Variants in CENPP observed in about 807,000 individuals in gnomAD.
CENPP encodes centromere protein P.
In CENPP, 24 loss-of-function variants were observed where a neutral mutation model predicts 35.6. The ratio of observed to expected loss-of-function variants is 0.67; its 90% CI spans 0.49 to 0.95. The LOEUF is 0.95. Among genes scored for constraint, CENPP ranks in the 40% least tolerant of loss-of-function variants. CENPP has a pLI of 0.00. For synonymous variants in CENPP, 120 were observed against 125.5 expected (o/e 0.96, Z 0.29); for missense variants, 332 against 345.3 (o/e 0.96, Z 0.31).
At chr9:92,435,766 G>A (rs1271211667) in intron 5 of CENPP, among the ~76,000 whole-genome samples, 1 of 152,206 alleles carries the variant, frequency 6.6e-6, no homozygotes, top group Non-Finnish European at 1.5e-5. Flanking sequence ...ATTACTGAGT[G>A]ATATTCCATG....
chr9:92,461,265 G>C (rs1223640066), intron 5 of CENPP, among the ~76,000 whole-genome samples: 1 of 151,444 alleles, frequency 6.6e-6, no homozygotes, highest in African/African-American at 2.4e-5. Context: ...TTTGTTTTTT[G>C]TTTTTTAACA....
At chr9:92,537,318 A>T (rs997413608) in intron 5 of CENPP, among the ~76,000 whole-genome samples, 1 of 152,242 alleles carries the variant, frequency 6.6e-6, no homozygotes, top group Non-Finnish European at 1.5e-5. Context: ...GACTAAATAC[A>T]TAAGCCACTC....
At chr9:92,527,585 C>A (rs1375219904) in intron 5 of CENPP, among the ~76,000 whole-genome samples, 1 of 152,200 alleles carries the variant, frequency 6.6e-6, no homozygotes, top group East Asian at 1.9e-4. Flanking sequence ...GTCTGCTTCA[C>A]AACCTAAGAC....
intron 5 of CENPP, among the ~76,000 whole-genome samples, chr9:92,571,905 CTCTT>C: frequency 7.7e-6 from 1 of 129,066 alleles, no homozygotes; most frequent in African/African-American, 3.5e-5. Context: ...ATTGCAACTC[CTCTT>C]TTTTTTTTTT....
intron 5 of CENPP, among the ~76,000 whole-genome samples, chr9:92,433,669 G>A (rs142342336): frequency 3.9e-4 from 59 of 152,084 alleles, no homozygotes; most frequent in African/African-American, 1.4e-3. Flanking sequence ...GATAGCTCAC[G>A]GCCTATAATC....
chr9:92,393,241 A>T, intron 5 of CENPP: 1 of 1,561,580 alleles, frequency 6.4e-7, no homozygotes, highest in Non-Finnish European at 8.7e-7. Flanking sequence ...ACACGTGGGC[A>T]TTTCTAAATT....
intron 3 of CENPP, among the ~76,000 whole-genome samples, chr9:92,338,716 G>A (rs1383347819): frequency 6.6e-6 from 1 of 151,730 alleles, no homozygotes; most frequent in Non-Finnish European, 1.5e-5. Context: ...CACCTATTTT[G>A]TGTGGGTCAG....
chr9:92,384,129 AAGT>A (rs1185077241), intron 5 of CENPP: 2 of 152,196 alleles, frequency 1.3e-5, no homozygotes, highest in South Asian at 2.1e-4. Flanking sequence ...AATAACGAGA[AAGT>A]AGTATAATAG....
intron 5 of CENPP, among the ~76,000 whole-genome samples, chr9:92,466,122 C>G (rs1467044837): frequency 1.3e-5 from 2 of 152,176 alleles, no homozygotes; most frequent in East Asian, 1.9e-4. Flanking sequence ...CGTGAGCCAC[C>G]AGGCCTGGCC....
intron 5 of CENPP, among the ~76,000 whole-genome samples, chr9:92,538,649 T>G (rs1849245630): frequency 6.6e-6 from 1 of 152,144 alleles, no homozygotes; most frequent in Non-Finnish European, 1.5e-5. Context: ...GTTACATGAG[T>G]CCTTTTGCAG....
chr9:92,591,452 G>GA (rs146366597), intron 5 of CENPP, among the ~76,000 whole-genome samples: 15,872 of 149,842 alleles, frequency 0.11, 892 homozygotes, highest in Middle Eastern at 0.15. Flanking sequence ...GACCTGCAGG[G>GA]AAAAAAAAAT....
intron 5 of CENPP, among the ~76,000 whole-genome samples, chr9:92,382,628 G>T (rs1210450167): frequency 6.6e-6 from 1 of 151,930 alleles, no homozygotes; most frequent in Non-Finnish European, 1.5e-5. Context: ...TTTTCTCTAA[G>T]AATTTTATAA....
chr9:92,497,615 ACT>A (rs1329454935), intron 5 of CENPP, among the ~76,000 whole-genome samples: 2 of 150,328 alleles, frequency 1.3e-5, no homozygotes, highest in African/African-American at 2.5e-5. Flanking sequence ...CAAGAGCAAA[ACT>A]CTGTCTCAAA....
chr9:92,611,482 AAACTACCTAAC>A, intron 6 of CENPP, 89 bp downstream of exon 6: 5 of 998,480 alleles, frequency 5.0e-6, no homozygotes, highest in Non-Finnish European at 7.4e-6. Flanking sequence ...TCTAAGTAGT[AAACTACCTAAC>A]CAAGAACTAA....
At chr9:92,349,398 C>G (rs954640472) in intron 4 of CENPP, among the ~76,000 whole-genome samples, 14 of 147,830 alleles carry the variant, frequency 9.5e-5, no homozygotes, top group Admixed American at 3.4e-4. Context: ...ATTATATATA[C>G]TTTTTTTTTT....
At chr9:92,524,927 G>T (rs2131254801) in intron 5 of CENPP, among the ~76,000 whole-genome samples, 1 of 152,290 alleles carries the variant, frequency 6.6e-6, no homozygotes, top group Non-Finnish European at 1.5e-5. Flanking sequence ...ATACAGAGAT[G>T]AATACCCTAA....
chr9:92,446,504 T>C (rs1844554858), intron 5 of CENPP, among the ~76,000 whole-genome samples: 1 of 152,198 alleles, frequency 6.6e-6, no homozygotes, highest in South Asian at 2.1e-4. Context: ...CTCTAAATAG[T>C]AACTGTAGTC....
At chr9:92,566,237 T>C (rs1027512849) in intron 5 of CENPP, among the ~76,000 whole-genome samples, 1 of 150,938 alleles carries the variant, frequency 6.6e-6, no homozygotes, top group Non-Finnish European at 1.5e-5. Flanking sequence ...GAGTCAGAGG[T>C]TGCAGTGACC....
chr9:92,602,948 G>A (rs530236146), intron 5 of CENPP, among the ~76,000 whole-genome samples: 4 of 151,522 alleles, frequency 2.6e-5, no homozygotes, highest in Admixed American at 6.6e-5. Context: ...GCGCCACCAC[G>A]CCCAGCTAAT....
Sources: gnomAD v4.1 joint callset for allele counts (sites outside exome capture counted in the v4.1 genomes callset) on GRCh38, gnomAD v4.1.1 for gene constraint, MANE v1.5 for transcripts, NCBI Gene and HGNC (gene_info 2026-07-23, HGNC 2026-07-21) for gene names.